Variants in SGCZ observed in about 807,000 individuals in gnomAD.
SGCZ encodes the protein sarcoglycan zeta.
A neutral mutation model predicts 41.3 loss-of-function variants in SGCZ; 40 were observed. The ratio of observed to expected loss-of-function variants is 0.97; its 90% CI spans 0.75 to 1.26. SGCZ has a LOEUF of 1.26. SGCZ is among the 50% of genes most tolerant of loss of function. SGCZ has a pLI of 0.00. For missense variants in SGCZ, 552 were observed against 369.8 expected, an observed-to-expected ratio of 1.49 and a Z score of -4.04; for synonymous variants, 206 against 137.5, an observed-to-expected ratio of 1.50 and a Z score of -3.49.
intron 1 of SGCZ, among the ~76,000 whole-genome samples, chr8:14,596,651 G>A (rs924046157): frequency 2.6e-5 from 4 of 151,974 alleles, no homozygotes; most frequent in Non-Finnish European, 4.4e-5. Context: ...GTCCATGTGG[G>A]AGACACACCA....
At chr8:14,649,239 T>C (rs1265223591) in intron 1 of SGCZ, among the ~76,000 whole-genome samples, 44 of 152,146 alleles carry the variant, frequency 2.9e-4, no homozygotes, top group Admixed American at 2.9e-3. Flanking sequence ...TTCCTTTCTA[T>C]TGTTTCCTAG....
At chr8:14,290,782 G>A (rs1318673246) in intron 3 of SGCZ, among the ~76,000 whole-genome samples, 1 of 152,006 alleles carries the variant, frequency 6.6e-6, no homozygotes, top group Non-Finnish European at 1.5e-5. Flanking sequence ...ACAGTATGGA[G>A]GTTCCCTCAT....
chr8:14,880,111 G>T (rs1191913833), intron 1 of SGCZ, among the ~76,000 whole-genome samples: 1 of 152,092 alleles, frequency 6.6e-6, no homozygotes, highest in East Asian at 1.9e-4. Context: ...AAAGTGCTGG[G>T]AATACAGGCA....
intron 1 of SGCZ, among the ~76,000 whole-genome samples, chr8:14,620,147 C>A (rs1219538895): frequency 1.3e-5 from 2 of 152,060 alleles, no homozygotes; most frequent in African/African-American, 4.8e-5. Flanking sequence ...CATCTACAAC[C>A]ATCTGATCTT....
intron 3 of SGCZ, among the ~76,000 whole-genome samples, chr8:14,242,891 AT>A (rs1476361653): frequency 1.3e-5 from 2 of 152,196 alleles, no homozygotes; most frequent in Non-Finnish European, 2.9e-5. Context: ...AGGAAATTGA[AT>A]TCAACAAAAC....
In SGCZ at chr8:14,351,497, C is replaced by G. The variant is rs1017348959; in HGVS notation, c.235-27293G>C. Among the ~76,000 whole-genome samples, 6 of 151,426 alleles carry G rather than the reference C, an allele frequency of 4.0e-5. 1 individual carries two copies. The South Asian group carries it at 6.2e-4, about 16-fold the overall frequency. On this transcript the variant is annotated intron_variant, in intron 2 of 7. Coordinates refer to ENST00000382080, the MANE Select transcript of SGCZ (RefSeq NM_139167.4). ...TACTTTGTCTGATTGCATTATTTTA[C>G]CCAGTGTTTGAATACCTTTCTAGAA...
At chr8:14,300,722 T>A (rs943614723) in intron 3 of SGCZ, among the ~76,000 whole-genome samples, 3 of 151,898 alleles carry the variant, frequency 2.0e-5, no homozygotes, top group Non-Finnish European at 4.4e-5. Flanking sequence ...CCCTGATGAT[T>A]AGTGATGATC....
chr8:14,316,866 C>T (rs184573493), intron 3 of SGCZ, among the ~76,000 whole-genome samples: 2 of 149,086 alleles, frequency 1.3e-5, no homozygotes, highest in African/African-American at 4.9e-5. Context: ...CCCTGCACTT[C>T]CAACATGAAA....
intron 1 of SGCZ, among the ~76,000 whole-genome samples, chr8:15,152,541 T>C (rs1421617956): frequency 6.6e-6 from 1 of 152,138 alleles, no homozygotes; most frequent in Non-Finnish European, 1.5e-5. Flanking sequence ...GGAGGCAACT[T>C]ATTGTGAAAC....
At chr8:15,046,527 T>A (rs1407019587) in intron 1 of SGCZ, among the ~76,000 whole-genome samples, 2 of 152,052 alleles carry the variant, frequency 1.3e-5, no homozygotes, top group Non-Finnish European at 2.9e-5. Context: ...TCTTTTTCTA[T>A]GTTCCCGTCA....
intron 4 of SGCZ, among the ~76,000 whole-genome samples, chr8:14,203,618 T>G (rs564548757): frequency 1.2e-4 from 18 of 152,318 alleles, no homozygotes; most frequent in Admixed American, 9.2e-4. Context: ...ACAATGGAAG[T>G]GTTTGAATGA....
At chr8:14,762,804 CATT>C (rs1799931869) in intron 1 of SGCZ, among the ~76,000 whole-genome samples, 1 of 152,138 alleles carries the variant, frequency 6.6e-6, no homozygotes, top group Non-Finnish European at 1.5e-5. Context: ...GGCAAGCAAA[CATT>C]AGTGGGCTTT....
rs567083671 is a variant in SGCZ at position 14,682,880 on chromosome 8, T to G, written c.40-127954A>C. Among the ~76,000 whole-genome samples, 11 of 152,326 alleles carry G rather than the reference T, an allele frequency of 7.2e-5. No individual in the cohort carries two copies. In the South Asian group the frequency reaches 2.3e-3, roughly 32 times the overall value. ...AGGTAAATTGGGCTAGATTCAGTAT[T>G]GTTTAACCTTTTGTAAATAACTGCA... On this transcript the variant is annotated intron_variant, in intron 1 of 7. Transcript: ENST00000382080.
chr8:14,435,944 AGGAAAATTG>A (rs773678783), intron 2 of SGCZ, among the ~76,000 whole-genome samples: 1 of 152,196 alleles, frequency 6.6e-6, no homozygotes, highest in Non-Finnish European at 1.5e-5. Context: ...GAATAATGAA[AGGAAAATTG>A]CCAAAAGTGT....
intron 1 of SGCZ, among the ~76,000 whole-genome samples, chr8:15,163,357 G>A (rs1468146824): frequency 6.6e-6 from 1 of 152,196 alleles, no homozygotes; most frequent in Non-Finnish European, 1.5e-5. Context: ...GAGATCCAAG[G>A]TTCAGCCTTC....
intron 1 of SGCZ, among the ~76,000 whole-genome samples, chr8:14,863,810 G>A (rs1803834466): frequency 6.6e-6 from 1 of 152,082 alleles, no homozygotes; most frequent in Non-Finnish European, 1.5e-5. Flanking sequence ...TGTGAAGACT[G>A]GGTTGTAAAT....
chr8:15,155,712 GAATA>G (rs1799310204), intron 1 of SGCZ, among the ~76,000 whole-genome samples: 1 of 152,106 alleles, frequency 6.6e-6, no homozygotes, highest in African/African-American at 2.4e-5. Flanking sequence ...ATGCAAAATT[GAATA>G]TACAGTATAA....
At chr8:14,339,758 G>C (rs531479149) in intron 2 of SGCZ, among the ~76,000 whole-genome samples, 1,685 of 152,148 alleles carry the variant, frequency 0.011, 25 homozygotes, top group African/African-American at 0.037. Context: ...TTAAAAAGAC[G>C]AGTACATAGC....
intron 1 of SGCZ, among the ~76,000 whole-genome samples, chr8:14,934,555 T>C (rs1004440740): frequency 1.7e-4 from 26 of 151,870 alleles, no homozygotes; most frequent in African/African-American, 6.3e-4. Flanking sequence ...GAAGACTACA[T>C]TTCAGAGAGA....
Sources: gnomAD v4.1 joint callset for allele counts (sites outside exome capture counted in the v4.1 genomes callset) on GRCh38, gnomAD v4.1.1 for gene constraint, MANE v1.5 for transcripts, NCBI Gene and HGNC (gene_info 2026-07-23, HGNC 2026-07-21) for gene names.